Variants in EHBP1 observed in about 807,000 individuals in gnomAD.
The protein encoded by EHBP1 is EH domain binding protein 1.
Under a neutral mutation model 144.0 loss-of-function variants are expected in EHBP1, and 55 were observed. That is an observed-to-expected ratio of 0.38 (90% confidence interval 0.31 to 0.48). The LOEUF is 0.48. Ranked by LOEUF, EHBP1 falls within the 20% of genes least tolerant of loss-of-function variation. The probability of loss-of-function intolerance (pLI) is 0.98; values close to 1 mark genes in which losing one functional copy is unlikely to be tolerated. For missense variants in EHBP1, 1,200 were observed against 1,364.2 expected (o/e 0.88, Z 1.90); for synonymous variants, 469 against 472.7 (o/e 0.99, Z 0.10).
chr2:62,934,722 C>G (rs572395716), intron 10 of EHBP1, among the ~76,000 whole-genome samples: 8 of 152,130 alleles, frequency 5.3e-5, no homozygotes, highest in Non-Finnish European at 1.2e-4. Context: ...GTGAATCACA[C>G]TAAGCATAGG....
intron 4 of EHBP1, among the ~76,000 whole-genome samples, chr2:62,764,564 A>G (rs905507749): frequency 2.6e-5 from 4 of 152,092 alleles, no homozygotes; most frequent in Non-Finnish European, 5.9e-5. Flanking sequence ...TCTTGAACTT[A>G]TTACAATTCA....
chr2:62,851,472 T>C (rs1408776378), intron 7 of EHBP1, among the ~76,000 whole-genome samples: 1 of 152,168 alleles, frequency 6.6e-6, no homozygotes, highest in East Asian at 1.9e-4. Context: ...CCTCCTAACC[T>C]CTGAGTTATA....
At position 62,831,030 on chromosome 2, in the gene EHBP1, T is replaced by TG; in HGVS notation, c.507dup (p.Gln170AlafsTer5). Reference sequence around the variant, plus strand: ...AATCATTGATGTAGAGATGAAGACATGCAAAGTTTGGCTAGTTTGATGAGT... The same window carrying TG: ...AATCATTGATGTAGAGATGAAGACATGGCAAAGTTTGGCTAGTTTGATGAGT... On this transcript the variant is annotated frameshift_variant, in exon 7 of 23. Transcript: ENST00000431489. LOFTEE classifies it high-confidence loss of function. 1 of 1,612,856 alleles carries TG rather than the reference T, an allele frequency of 6.2e-7. No individual in the cohort carries two copies. Among genetic ancestry groups the TG allele is most frequent in the Non-Finnish European group, 8.5e-7 (1 of 1,179,558 alleles).
At chr2:62,702,073 T>C (rs2034294938), upstream of EHBP1, among the ~76,000 whole-genome samples, 1 of 152,214 alleles carries the variant, frequency 6.6e-6, no homozygotes, top group South Asian at 2.1e-4. Flanking sequence ...TTGCATTTCA[T>C]AGTCTTGAAT....
intron 7 of EHBP1, among the ~76,000 whole-genome samples, chr2:62,842,094 C>T (rs1391716303): frequency 6.8e-6 from 1 of 147,458 alleles, no homozygotes; most frequent in Non-Finnish European, 1.5e-5. Flanking sequence ...CCCTCAAAGC[C>T]TTTTTTTTTT....
chr2:62,861,991 A>G (rs566397628), intron 8 of EHBP1, among the ~76,000 whole-genome samples: 1 of 152,158 alleles, frequency 6.6e-6, no homozygotes, highest in Non-Finnish European at 1.5e-5. Context: ...ACAAAATTGG[A>G]TAGGAAAAAC....
intron 13 of EHBP1, among the ~76,000 whole-genome samples, chr2:62,953,055 C>G (rs2153103582): frequency 6.6e-6 from 1 of 151,786 alleles, no homozygotes; most frequent in South Asian, 2.1e-4. Context: ...CCTGTCTCTA[C>G]TAAAAATATG....
chr2:62,681,873 A>G (rs2033543444), intron 1 of EHBP1, among the ~76,000 whole-genome samples: 1 of 152,216 alleles, frequency 6.6e-6, no homozygotes. Flanking sequence ...AAATGCTGTC[A>G]TAAAATATTG....
At position 62,771,390 on chromosome 2, in the gene EHBP1, A is replaced by G; in HGVS notation, c.310A>G (p.Asn104Asp). Reference protein sequence around the residue: ...EDKEWTFVIENESPSGRRKAL... With the variant: ...EDKEWTFVIEDESPSGRRKAL... Reference sequence around the variant, plus strand: ...CAAAGAGTGGACATTTGTCATAGAAAATGTAAGCTAATGGCAAATTCCTTC... The same window carrying G: ...CAAAGAGTGGACATTTGTCATAGAAGATGTAAGCTAATGGCAAATTCCTTC... The change falls in exon 5 of 23, where the codon AAT (asparagine) becomes GAT (aspartate). Residue 104 changes from asparagine (N) to aspartate (D), a missense_variant and splice_region_variant. Coordinates refer to ENST00000431489, the MANE Select transcript of EHBP1 (RefSeq NM_001142616.3). 6.3e-7 allele frequency: 1 copy of G among 1,591,018 alleles called. No individual in the cohort carries two copies. Among genetic ancestry groups the G allele is most frequent in the Non-Finnish European group, 8.6e-7 (1 of 1,167,978 alleles).
chr2:62,688,884 C>A (rs1303526305), intron 1 of EHBP1, among the ~76,000 whole-genome samples: 2 of 151,762 alleles, frequency 1.3e-5, no homozygotes, highest in Non-Finnish European at 2.9e-5. Context: ...CCTTTTTGGT[C>A]GAGGAGTGAT....
rs528717722 is a variant in EHBP1 at position 62,722,279 on chromosome 2, A to G, written c.104+14984A>G. ...CCCGAGTAGCTGGAACTATAGGTGCATACCACCACACCAGGCTAATTTTTT... is the reference window on the plus strand; with the variant it reads ...CCCGAGTAGCTGGAACTATAGGTGCGTACCACCACACCAGGCTAATTTTTT... On this transcript the variant is annotated intron_variant, in intron 2 of 22. Transcript: ENST00000431489. Among the ~76,000 whole-genome samples, 4 of 152,032 alleles carry G rather than the reference A, an allele frequency of 2.6e-5. No individual in the cohort carries two copies. In the East Asian group the frequency reaches 7.8e-4, roughly 29 times the overall value.
At chr2:62,822,780 T>C (rs922813383) in intron 5 of EHBP1, among the ~76,000 whole-genome samples, 2 of 152,154 alleles carry the variant, frequency 1.3e-5, no homozygotes, top group African/African-American at 4.8e-5. Context: ...GAGGCTTAGA[T>C]ACATGAAGAA....
At chr2:62,812,182 G>A (rs1027321302) in intron 5 of EHBP1, among the ~76,000 whole-genome samples, 3 of 152,148 alleles carry the variant, frequency 2.0e-5, no homozygotes, top group African/African-American at 7.2e-5. Context: ...CTCACCAGAT[G>A]CTGGCTCCTT....
At chr2:63,011,247 A>T (rs2060255599) in intron 19 of EHBP1, among the ~76,000 whole-genome samples, 2 of 151,828 alleles carry the variant, frequency 1.3e-5, no homozygotes, top group African/African-American at 2.4e-5. Context: ...ATCAATCATT[A>T]ATTTATTCTA....
At chr2:62,824,812 C>T (rs762381600) in intron 5 of EHBP1, among the ~76,000 whole-genome samples, 2 of 151,572 alleles carry the variant, frequency 1.3e-5, no homozygotes, top group Non-Finnish European at 1.5e-5. Flanking sequence ...TTTTTAAAGG[C>T]TGTTTTAATA....
intron 2 of EHBP1, among the ~76,000 whole-genome samples, chr2:62,711,113 G>A (rs948052759): frequency 6.6e-6 from 1 of 152,144 alleles, no homozygotes; most frequent in Non-Finnish European, 1.5e-5. Flanking sequence ...AAACAGCAGA[G>A]TAGTAGGTGG....
intron 19 of EHBP1, among the ~76,000 whole-genome samples, chr2:63,015,121 A>G (rs151284459): frequency 6.6e-6 from 1 of 152,356 alleles, no homozygotes; most frequent in East Asian, 1.9e-4. Context: ...TCTCACATTT[A>G]ACACATATAT....
intron 7 of EHBP1, among the ~76,000 whole-genome samples, chr2:62,842,018 C>T (rs1296198312): frequency 6.6e-6 from 1 of 152,054 alleles, no homozygotes; most frequent in African/African-American, 2.4e-5. Flanking sequence ...TAATGGTGCC[C>T]TGTATGTGTC....
At chr2:62,777,391 A>G (rs1029028273) in intron 5 of EHBP1, among the ~76,000 whole-genome samples, 1 of 152,210 alleles carries the variant, frequency 6.6e-6, no homozygotes, top group Non-Finnish European at 1.5e-5. Flanking sequence ...TAATTTATTC[A>G]ACCATTCTGC....
Sources: gnomAD v4.1 joint callset for allele counts (sites outside exome capture counted in the v4.1 genomes callset) on GRCh38, gnomAD v4.1.1 for gene constraint, MANE v1.5 for transcripts, NCBI Gene and HGNC (gene_info 2026-07-23, HGNC 2026-07-21) for gene names.